The following ARHGAP10 variants were observed in gnomAD, a reference collection of about 807,000 sequenced individuals.
The protein encoded by ARHGAP10 is rho GTPase-activating protein 10.
A neutral mutation model predicts 108.6 loss-of-function variants in ARHGAP10; 87 were observed. The observed-to-expected ratio is 0.80, with a 90% CI of 0.67 to 0.96. The LOEUF (loss-of-function observed/expected upper bound fraction) is 0.96. Ranked by LOEUF, ARHGAP10 falls within the 40% of genes least tolerant of loss-of-function variation. The pLI is 0.00. For synonymous variants in ARHGAP10, 347 were observed against 341.1 expected (o/e 1.02, Z -0.19); for missense variants, 939 against 954.5 (o/e 0.98, Z 0.21).
intron 7 of ARHGAP10, among the ~76,000 whole-genome samples, chr4:147,872,490 G>A (rs1227856684): frequency 1.3e-5 from 2 of 152,198 alleles, no homozygotes; most frequent in African/African-American, 4.8e-5. Context: ...CGTGTGCTCT[G>A]TGTATACAGT....
At chr4:148,034,042 T>C (rs1039091396) in intron 19 of ARHGAP10, among the ~76,000 whole-genome samples, 6 of 152,216 alleles carry the variant, frequency 3.9e-5, no homozygotes, top group African/African-American at 1.2e-4. Flanking sequence ...TCAGCAAATC[T>C]CTCTCTAAGC....
chr4:148,023,286 T>A lies in ARHGAP10; in HGVS notation c.1740T>A (p.Thr580=). Residue 580 remains threonine, a synonymous_variant, in exon 19 of 23, where the codon ACT becomes ACA. Coordinates refer to ENST00000336498, the MANE Select transcript of ARHGAP10 (RefSeq NM_024605.4). ...HEKIFRTPPD[T]TFPEPTCLSA... Reference sequence around the variant, plus strand: ...AGATTTTTCGGACGCCGCCCGATACTACATTCCCTGAGCCCACCTGCCTGT... The same window carrying A: ...AGATTTTTCGGACGCCGCCCGATACAACATTCCCTGAGCCCACCTGCCTGT... 6.2e-7 allele frequency: 1 copy of A among 1,614,146 alleles called. No homozygotes were observed.
At chr4:147,932,338 T>A in intron 13 of ARHGAP10, among the ~76,000 whole-genome samples, 1 of 152,132 alleles carries the variant, frequency 6.6e-6, no homozygotes, top group East Asian at 1.9e-4. Flanking sequence ...TGTTTTATTA[T>A]AAAGACGCAT....
In ARHGAP10 at chr4:147,881,816, T is replaced by A. The variant is rs1027899515; in HGVS notation, c.940-22T>A. The stretch of plus-strand genomic sequence containing the variant: ...ATACTTATCCTGTAGGTTTTGAGAA[T>A]GTTCAAAATGATTATTTGCAGGGGG... On this transcript the variant is annotated intron_variant, in intron 9 of 22. Coordinates refer to ENST00000336498, the MANE Select transcript of ARHGAP10 (RefSeq NM_024605.4). 2.5e-6 allele frequency: 4 copies of A among 1,610,478 alleles called. No individual in the cohort carries two copies. In the Admixed American group the frequency reaches 5.0e-5, roughly 20 times the overall value.
chr4:147,963,568 A>G (rs918151517), intron 16 of ARHGAP10, among the ~76,000 whole-genome samples: 1 of 152,256 alleles, frequency 6.6e-6, no homozygotes, highest in Non-Finnish European at 1.5e-5. Context: ...TACACTGTTA[A>G]TAAGAGCCAC....
rs1355192402 is a variant in ARHGAP10 at position 147,860,208 on chromosome 4, C to T, written c.486+2554C>T. 7.2e-5 allele frequency among the ~76,000 whole-genome samples: 11 copies of T among 152,230 alleles called. No homozygotes were observed. The East Asian group carries it at 1.2e-3, about 16-fold the overall frequency. The stretch of plus-strand genomic sequence containing the variant: ...CTGTAATCCCAGCACTGTGGGAGGC[C>T]GAGGCGGGTGGATCACGAGATCAGG... On this transcript the variant is annotated intron_variant, in intron 5 of 22. Transcript: ENST00000336498.
At chr4:147,837,054 A>G (rs1733199768) in intron 3 of ARHGAP10, among the ~76,000 whole-genome samples, 1 of 152,166 alleles carries the variant, frequency 6.6e-6, no homozygotes, top group Admixed American at 6.5e-5. Context: ...TTTTGTCAAC[A>G]TTAGTCTTTT....
chr4:148,019,925 T>TAC lies in ARHGAP10; in HGVS notation c.1717-3338_1717-3337insAC, dbSNP rs1367336765. On this transcript the variant is annotated intron_variant, in intron 18 of 22. Coordinates refer to ENST00000336498, the MANE Select transcript of ARHGAP10 (RefSeq NM_024605.4). ...TAGCTTTCTGAAATGCTAATACAGG[T>TAC]TGAGTATCCCTTAATGGAAATGCTT... is the stretch of plus-strand genomic sequence containing the variant. 6.6e-5 allele frequency among the ~76,000 whole-genome samples: 10 copies of TAC among 152,184 alleles called. No individual in the cohort carries two copies. The East Asian group carries it at 1.3e-3, about 21-fold the overall frequency.
rs1233522704 is a variant in ARHGAP10 at position 147,732,161 on chromosome 4, C to T, written c.-141C>T. 2.8e-5 allele frequency: 21 copies of T among 743,766 alleles called. No individual in the cohort carries two copies. In the South Asian group the frequency reaches 6.6e-4, roughly 23 times the overall value. 46.1% of individuals were successfully genotyped at this position (743,766 alleles called of 1,614,324 possible). A position where few individuals can be genotyped will look rare whatever the true frequency, so the allele number is the denominator to read the frequency against. ...AGGACTCGGCTCTACGGGACATGTC[C>T]GTGCCGCGCTCGCCGCGCGCCCGGG... On this transcript the variant is annotated 5_prime_UTR_variant, in exon 1 of 23. Transcript: ENST00000336498.
chr4:147,864,126 C>A (rs891353711), intron 5 of ARHGAP10: 3 of 152,242 alleles, frequency 2.0e-5, no homozygotes, highest in Non-Finnish European at 4.4e-5. Flanking sequence ...AGAATGGTTT[C>A]TTGGACATGA....
chr4:148,001,899 C>T (rs1325932160), intron 18 of ARHGAP10, among the ~76,000 whole-genome samples: 2 of 152,074 alleles, frequency 1.3e-5, no homozygotes, highest in African/African-American at 4.8e-5. Context: ...ATTGAATACC[C>T]TTTATTTCTT....
chr4:147,908,387 C>T (rs1736587804), intron 11 of ARHGAP10, among the ~76,000 whole-genome samples: 2 of 152,104 alleles, frequency 1.3e-5, no homozygotes, highest in African/African-American at 2.4e-5. Context: ...AAGACTAAGT[C>T]ATTGAAAAAT....
At chr4:148,025,223 T>C (rs1182475689) in intron 19 of ARHGAP10, among the ~76,000 whole-genome samples, 1 of 152,204 alleles carries the variant, frequency 6.6e-6, no homozygotes. Flanking sequence ...TAAAATTACT[T>C]GATTTTTAAG....
intron 10 of ARHGAP10, among the ~76,000 whole-genome samples, chr4:147,895,057 T>C (rs1579170561): frequency 6.6e-6 from 1 of 152,148 alleles, no homozygotes; most frequent in Non-Finnish European, 1.5e-5. Flanking sequence ...TAGGTCAATA[T>C]TGTGAATATA....
intron 1 of ARHGAP10, among the ~76,000 whole-genome samples, chr4:147,762,821 C>A (rs1222631352): frequency 1.3e-5 from 2 of 152,070 alleles, no homozygotes; most frequent in Non-Finnish European, 2.9e-5. Flanking sequence ...TGAGCCACCA[C>A]ACCTGGCCGC....
chr4:147,795,592 A>C (rs1317004672), intron 1 of ARHGAP10, among the ~76,000 whole-genome samples: 2 of 151,956 alleles, frequency 1.3e-5, no homozygotes, highest in Non-Finnish European at 2.9e-5. Context: ...TGTAGTATTC[A>C]CGTGGTGCTT....
intron 22 of ARHGAP10, among the ~76,000 whole-genome samples, chr4:148,069,095 G>T (rs1259875180): frequency 6.6e-6 from 1 of 152,164 alleles, no homozygotes; most frequent in African/African-American, 2.4e-5. Context: ...CTTGGGGGAG[G>T]AGTGGTGTGA....
intron 1 of ARHGAP10, among the ~76,000 whole-genome samples, chr4:147,735,586 A>AATG (rs1728383902): frequency 6.6e-6 from 1 of 152,166 alleles, no homozygotes; most frequent in South Asian, 2.1e-4. Flanking sequence ...CAAGGTTAGG[A>AATG]ATGTGGACTT....
chr4:148,038,102 G>A (rs978173490), intron 19 of ARHGAP10, among the ~76,000 whole-genome samples: 30 of 152,058 alleles, frequency 2.0e-4, no homozygotes, highest in African/African-American at 7.2e-4. Flanking sequence ...TGTAGCATTA[G>A]GTACTACTTT....
Sources: gnomAD v4.1 joint callset for allele counts (sites outside exome capture counted in the v4.1 genomes callset) on GRCh38, gnomAD v4.1.1 for gene constraint, MANE v1.5 for transcripts, NCBI Gene and HGNC (gene_info 2026-07-23, HGNC 2026-07-21) for gene names.